DNAI1: variants seen among roughly 807,000 people sequenced by gnomAD.
DNAI1 encodes the protein dynein axonemal intermediate chain 1.
A neutral mutation model predicts 92.0 loss-of-function variants in DNAI1; 67 were observed. That is an observed-to-expected ratio of 0.73 (90% confidence interval 0.60 to 0.89). The LOEUF (loss-of-function observed/expected upper bound fraction) is 0.89, where lower values mean the gene tolerates loss of function less well. Among genes scored for constraint, DNAI1 ranks in the 40% least tolerant of loss-of-function variants. DNAI1 has a pLI of 0.00. For synonymous variants in DNAI1, 323 were observed against 319.6 expected, an observed-to-expected ratio of 1.01 and a Z score of -0.11; for missense variants, 839 against 866.6, an observed-to-expected ratio of 0.97 and a Z score of 0.40.
intron 13 of DNAI1, among the ~76,000 whole-genome samples, chr9:34,510,439 A>G (rs1443211874): frequency 6.6e-6 from 1 of 152,138 alleles, no homozygotes; most frequent in Non-Finnish European, 1.5e-5. Context: ...GGTCTGCCCT[A>G]AGAAAATAAG....
chr9:34,491,989 T>C (rs1421283594), intron 8 of DNAI1, among the ~76,000 whole-genome samples: 1 of 152,178 alleles, frequency 6.6e-6, no homozygotes, highest in Non-Finnish European at 1.5e-5. Flanking sequence ...TCCTCCTGGA[T>C]GGCCACACTT....
Position 34,520,901 on chromosome 9 carries a change from G to C in DNAI1, c.*145G>C. ...CTTCCCTTCTTGTTCTGTTCCTTAA[G>C]GTCCCAGCACCTTACCCCAGGACTT... is the stretch of plus-strand genomic sequence containing the variant. On this transcript the variant is annotated 3_prime_UTR_variant, in exon 20 of 20. Transcript: ENST00000242317. 2 of 817,748 alleles carry C rather than the reference G, an allele frequency of 2.4e-6. No homozygotes were observed. The highest frequency in any genetic ancestry group is 4.1e-6 in the Non-Finnish European group (2 of 487,772). The allele number at this position is 817,748 out of a possible 1,614,324, so 50.7% of individuals were successfully genotyped here. A position where few individuals can be genotyped will look rare whatever the true frequency, so the allele number is the denominator to read the frequency against.
chr9:34,483,720 G>T (rs1307468138), intron 2 of DNAI1, among the ~76,000 whole-genome samples: 2 of 152,046 alleles, frequency 1.3e-5, no homozygotes, highest in East Asian at 3.8e-4. Flanking sequence ...GAATAAGAGA[G>T]ATATATTTAT....
chr9:34,512,810 C>T (rs1462236730), intron 15 of DNAI1, among the ~76,000 whole-genome samples: 11 of 152,348 alleles, frequency 7.2e-5, no homozygotes, highest in South Asian at 6.2e-4. Flanking sequence ...GACCCTGTCC[C>T]TGTTTACCCT....
At chr9:34,494,725 C>T (rs1564034756) in intron 9 of DNAI1, among the ~76,000 whole-genome samples, 1 of 152,232 alleles carries the variant, frequency 6.6e-6, no homozygotes, top group Non-Finnish European at 1.5e-5. Context: ...TCACACTGGA[C>T]TCTTCCAGCT....
chr9:34,458,907 A>G lies in DNAI1; in HGVS notation c.-99A>G. On this transcript the variant is annotated 5_prime_UTR_variant, in exon 1 of 20. Coordinates refer to ENST00000242317, the MANE Select transcript of DNAI1 (RefSeq NM_012144.4). This position sits in a 1 kb window ranked among gnomAD's most constrained non-coding sequence, Gnocchi z 6.6. ...AAGAACCGTTGCGACTGGTAACTGA[A>G]GTGGAAGAGAGTCCAGATTTCTTGT... The G allele has an allele frequency of 9.4e-7, 1 of 1,060,436 alleles. No individual in the cohort carries two copies. The highest frequency in any genetic ancestry group is 1.5e-6 in the Non-Finnish European group (1 of 682,104). The allele number at this position is 1,060,436 out of a possible 1,614,324, so 65.7% of individuals were successfully genotyped here.
intron 4 of DNAI1, chr9:34,488,013 A>G (rs1372891646): frequency 5.6e-6 from 2 of 358,212 alleles, no homozygotes; most frequent in Non-Finnish European, 1.1e-5. Flanking sequence ...TGGGGACAAG[A>G]TGAAGGTGAA....
chr9:34,514,852 G>A, intron 18 of DNAI1, 113 bp downstream of exon 18: 1 of 1,145,784 alleles, frequency 8.7e-7, no homozygotes, highest in Non-Finnish European at 1.3e-6. Flanking sequence ...GGAGAAGGCG[G>A]GACATAAGGA....
intron 12 of DNAI1, among the ~76,000 whole-genome samples, chr9:34,503,059 G>A (rs189696687): frequency 6.6e-6 from 1 of 152,214 alleles, no homozygotes; most frequent in Non-Finnish European, 1.5e-5. Context: ...GAAGGGGGGT[G>A]TGGAGACAGA....
chr9:34,469,139 A>G (rs963161121), intron 1 of DNAI1, among the ~76,000 whole-genome samples: 1 of 152,210 alleles, frequency 6.6e-6, no homozygotes, highest in African/African-American at 2.4e-5. Flanking sequence ...AAAACCAAAG[A>G]TAAAACTAAA....
At chr9:34,500,563 A>G (rs528618569) in intron 10 of DNAI1, among the ~76,000 whole-genome samples, 159 bp from the exon 11 acceptor site, 8 of 152,316 alleles carry the variant, frequency 5.3e-5, no homozygotes, top group Admixed American at 3.9e-4. Flanking sequence ...CTCAATTCAT[A>G]TATCCTCACA....
intron 12 of DNAI1, among the ~76,000 whole-genome samples, chr9:34,503,775 A>T (rs192775967): frequency 6.6e-5 from 10 of 152,300 alleles, no homozygotes. Flanking sequence ...TAGTGAGCAC[A>T]ATAGGCTGCT....
At chr9:34,516,635 A>G (rs1375516657) in intron 18 of DNAI1, among the ~76,000 whole-genome samples, 1 of 152,092 alleles carries the variant, frequency 6.6e-6, no homozygotes, top group African/African-American at 2.4e-5. Context: ...CACCTTACAG[A>G]GTGGTTGTGA....
At chr9:34,467,571 T>A (rs1824061434) in intron 1 of DNAI1, among the ~76,000 whole-genome samples, 1 of 151,900 alleles carries the variant, frequency 6.6e-6, no homozygotes, top group South Asian at 2.1e-4. Context: ...AGTTCAAGAC[T>A]CCAGTGAGCT....
Position 34,497,129 on chromosome 9 carries a change from C to G in DNAI1, c.831C>G (p.Ile277Met). ...TATCCCCACAGACTGATGATCTCAT[C>G]AAATTGTCCCAAGCTGCTAAGATCA... ...TSMESQTDDL[I>M]KLSQAAKIME... Residue 277 changes from isoleucine (I) to methionine (M), a missense_variant, in exon 10 of 20, where the codon ATC becomes ATG. Transcript: ENST00000242317. 2 of 1,613,996 alleles carry G rather than the reference C, an allele frequency of 1.2e-6. No individual in the cohort carries two copies. The highest frequency in any genetic ancestry group is 1.7e-6 in the Non-Finnish European group (2 of 1,179,880).
chr9:34,483,814 A>G (rs1347933637), intron 2 of DNAI1, among the ~76,000 whole-genome samples: 1 of 152,220 alleles, frequency 6.6e-6, no homozygotes, highest in African/African-American at 2.4e-5. Flanking sequence ...TTGCTAATAA[A>G]TATATTTTTA....
intron 10 of DNAI1, among the ~76,000 whole-genome samples, chr9:34,498,928 C>T (rs1032249576): frequency 1.2e-4 from 19 of 152,354 alleles, no homozygotes; most frequent in African/African-American, 2.6e-4. Flanking sequence ...ACTCACACAG[C>T]GTGGCTTCTT....
chr9:34,467,579 G>A (rs766518601), intron 1 of DNAI1, among the ~76,000 whole-genome samples: 20 of 152,178 alleles, frequency 1.3e-4, no homozygotes, highest in Non-Finnish European at 1.8e-4. Flanking sequence ...ACTCCAGTGA[G>A]CTATGATTGT....
chr9:34,460,995 C>T (rs959881611), intron 1 of DNAI1, among the ~76,000 whole-genome samples: 4 of 152,160 alleles, frequency 2.6e-5, no homozygotes, highest in African/African-American at 9.7e-5. Context: ...CGCCTGCCAC[C>T]ACGCCCAGCT....
Sources: gnomAD v4.1 joint callset for allele counts (sites outside exome capture counted in the v4.1 genomes callset) on GRCh38, gnomAD v4.1.1 for gene constraint, Gnocchi (gnomAD v3.1) non-coding constraint, MANE v1.5 for transcripts, NCBI Gene and HGNC (gene_info 2026-07-23, HGNC 2026-07-21) for gene names.